ZBTB48: variants seen among roughly 807,000 people sequenced by gnomAD.
ZBTB48 encodes zinc finger and BTB domain containing 48.
Under a neutral mutation model 64.5 loss-of-function variants are expected in ZBTB48, and 35 were observed. That is an observed-to-expected ratio of 0.54 (90% CI 0.41 to 0.72). ZBTB48 has a LOEUF of 0.72. Ranked by LOEUF, ZBTB48 falls within the 30% of genes least tolerant of loss-of-function variation. The pLI is 0.00. For synonymous variants in ZBTB48, 442 were observed against 356.7 expected (o/e 1.24, Z -2.70); for missense variants, 828 against 895.3 (o/e 0.92, Z 0.96).
In ZBTB48 at chr1:6,581,234, G is replaced by A. The variant is rs1640441810; in HGVS notation, c.625G>A (p.Asp209Asn). 6.2e-7 allele frequency: 1 copy of A among 1,612,858 alleles called. No homozygotes were observed. Residue 209 changes from aspartate (D) to asparagine (N), a missense_variant, in exon 2 of 11, where the codon GAC (aspartate) becomes AAC (asparagine). Transcript: ENST00000377674. ...PCPLEDKKPE[D>N]CKVPPRPLEA... ...TCCCCTTGAGGACAAGAAACCCGAG[G>A]ACTGCAAAGTGCCCCCAAGGCCCTT...
At position 6,588,906 on chromosome 1, in the gene ZBTB48, T is replaced by C. The variant is rs1570181246; in HGVS notation, c.1771-10T>C. 6.2e-7 allele frequency: 1 copy of C among 1,613,408 alleles called. No homozygotes were observed. Among genetic ancestry groups the C allele is most frequent in the Non-Finnish European group, 8.5e-7 (1 of 1,179,734 alleles). The stretch of plus-strand genomic sequence containing the variant: ...ATCCCCCAAAGTTCTGAGCTCACCC[T>C]CCCCGCCAGGCCCACCTGCGGAGGC... On this transcript the variant is annotated splice_polypyrimidine_tract_variant and intron_variant, in intron 10 of 10. Coordinates refer to ENST00000377674, the MANE Select transcript of ZBTB48 (RefSeq NM_005341.4).
intron 3 of ZBTB48, among the ~76,000 whole-genome samples, chr1:6,583,275 C>T (rs1297258726): frequency 6.6e-6 from 1 of 152,082 alleles, no homozygotes; most frequent in Non-Finnish European, 1.5e-5. Context: ...AGGTGTGAGC[C>T]ACCATGCTCA....
chr1:6,585,789 C>T, intron 3 of ZBTB48, 130 bp from the exon 4 acceptor site: 1 of 830,166 alleles, frequency 1.2e-6, no homozygotes, highest in Non-Finnish European at 2.0e-6. Context: ...TGGGCTTGTC[C>T]CTGCACCTTA....
At position 6,589,204 on chromosome 1, in the gene ZBTB48, G is replaced by A. The variant is rs1282448771; in HGVS notation, c.2059G>A (p.Asp687Asn). The change falls in exon 11 of 11, where the codon GAC becomes AAC. Residue 687 changes from aspartate (D) to asparagine (N), a missense_variant. Transcript: ENST00000377674. Reference sequence around the variant, plus strand: ...CACAGCTGCTGTCCCCGAGGACTGTGACACATAGCCCATTCTGGCCACCAG... The same window carrying A: ...CACAGCTGCTGTCCCCGAGGACTGTAACACATAGCCCATTCTGGCCACCAG... ...IITAAVPEDC[D>N]T 6.6e-7 allele frequency: 1 copy of A among 1,515,354 alleles called. No individual in the cohort carries two copies. The highest frequency in any genetic ancestry group is 1.4e-5 in the African/African-American group (1 of 71,774). The allele number at this position is 1,515,354 out of a possible 1,614,324, so 93.9% of individuals were successfully genotyped here. A position where few individuals can be genotyped will look rare whatever the true frequency, so the allele number is the denominator to read the frequency against.
intron 7 of ZBTB48, 70 bp downstream of exon 7, chr1:6,587,702 C>A: frequency 6.3e-7 from 1 of 1,588,010 alleles, no homozygotes; most frequent in Non-Finnish European, 8.5e-7. Context: ...GCAGGGAAGA[C>A]AGAGTTTGCT....
intron 2 of ZBTB48, 90 bp from the exon 3 acceptor site, chr1:6,581,968 G>A: frequency 6.4e-7 from 1 of 1,566,536 alleles, no homozygotes; most frequent in Non-Finnish European, 8.7e-7. Context: ...GTCAGGGTTG[G>A]GGCTTGGGAT....
intron 3 of ZBTB48, 75 bp downstream of exon 3, chr1:6,582,374 C>T: frequency 2.6e-6 from 4 of 1,552,044 alleles, no homozygotes; most frequent in South Asian, 2.4e-5. Flanking sequence ...GCACTTCCCA[C>T]TTCTGGGTGA....
intron 7 of ZBTB48, among the ~76,000 whole-genome samples, chr1:6,587,851 G>A (rs1640732428): frequency 6.6e-6 from 1 of 152,164 alleles, no homozygotes; most frequent in East Asian, 1.9e-4. Context: ...GCTCAGACAA[G>A]CCTCTGTGCC....
intron 3 of ZBTB48, 62 bp downstream of exon 3, chr1:6,582,361 CCTGCA>C (rs1640503922): frequency 6.4e-7 from 1 of 1,568,888 alleles, no homozygotes; most frequent in South Asian, 1.2e-5. Context: ...GGGGAGGGGT[CCTGCA>C]CTTCCCACTT....
chr1:6,587,447 C>T (rs751690520), intron 6 of ZBTB48, 31 bp from the exon 7 acceptor site: 3 of 1,612,988 alleles, frequency 1.9e-6, no homozygotes, highest in Admixed American at 1.7e-5. Flanking sequence ...TGGCCCTGGT[C>T]CCTCCCTCTG....
At chr1:6,585,795 C>T in intron 3 of ZBTB48, 124 bp from the exon 4 acceptor site, 1 of 896,428 alleles carries the variant, frequency 1.1e-6, no homozygotes, top group Admixed American at 1.9e-5. Flanking sequence ...TGTCCCTGCA[C>T]CTTAACCAGC....
At position 6,587,307 on chromosome 1, in the gene ZBTB48, G is replaced by A; in HGVS notation, c.1224+16G>A. Reference sequence around the variant, plus strand: ...GCCCCATGCAGTAAGTGACAGGGAGGGCTGGGCATGCTTTGATGCTGGCAT... The same window carrying A: ...GCCCCATGCAGTAAGTGACAGGGAGAGCTGGGCATGCTTTGATGCTGGCAT... On this transcript the variant is annotated intron_variant, in intron 6 of 10. Coordinates refer to ENST00000377674, the MANE Select transcript of ZBTB48 (RefSeq NM_005341.4). 1 of 1,614,024 alleles carries A rather than the reference G, an allele frequency of 6.2e-7. No individual in the cohort carries two copies. The highest frequency in any genetic ancestry group is 1.1e-5 in the South Asian group (1 of 91,076).
chr1:6,582,906 T>G (rs1640521170), intron 3 of ZBTB48, among the ~76,000 whole-genome samples: 1 of 152,214 alleles, frequency 6.6e-6, no homozygotes, highest in African/African-American at 2.4e-5. Flanking sequence ...CTGGGCTCAA[T>G]CGATCCACCC....
chr1:6,584,548 C>T lies in ZBTB48; in HGVS notation c.933-1371C>T, dbSNP rs1001434005. Reference sequence around the variant, plus strand: ...CTAGAATGGGAGCCAGGGGGAAACCCGTTCGCTGTCCCTGTGCACCGTGTT... The same window carrying T: ...CTAGAATGGGAGCCAGGGGGAAACCTGTTCGCTGTCCCTGTGCACCGTGTT... On this transcript the variant is annotated intron_variant, in intron 3 of 10. Transcript: ENST00000377674. This position sits in a 1 kb window ranked among gnomAD's most constrained non-coding sequence, Gnocchi z 4.5. Among the ~76,000 whole-genome samples the T allele has an allele frequency of 6.6e-6, 1 of 152,234 alleles. No individual in the cohort carries two copies. Among genetic ancestry groups the T allele is most frequent in the Non-Finnish European group, 1.5e-5 (1 of 68,036 alleles).
At chr1:6,588,880 G>A in intron 10 of ZBTB48, 36 bp downstream of exon 10, 1 of 1,613,918 alleles carries the variant, frequency 6.2e-7, no homozygotes, top group Non-Finnish European at 8.5e-7. Context: ...CCTACCCTAG[G>A]ATCCCCCAAA....
chr1:6,586,968 C>T (rs1640694519), intron 5 of ZBTB48, 181 bp downstream of exon 5: 1 of 889,070 alleles, frequency 1.1e-6, no homozygotes, highest in Non-Finnish European at 1.8e-6. Context: ...TCTGCAGCCT[C>T]ACCTCCAAGG....
chr1:6,581,902 A>G lies in ZBTB48; in HGVS notation c.691-156A>G, dbSNP rs539858139. The stretch of plus-strand genomic sequence containing the variant: ...AACACAGCCACTTTCCTCTGAATCC[A>G]AGATTCAGATGCTCTGCCTTGGGCC... On this transcript the variant is annotated intron_variant, in intron 2 of 10. Coordinates refer to ENST00000377674, the MANE Select transcript of ZBTB48 (RefSeq NM_005341.4). Among the ~76,000 whole-genome samples the G allele has an allele frequency of 3.3e-5, 5 of 152,294 alleles. No homozygotes were observed. In the East Asian group the frequency reaches 9.7e-4, roughly 29 times the overall value.
Position 6,589,049 on chromosome 1 carries a change from A to C in ZBTB48, c.1904A>C (p.Glu635Ala). 6.2e-7 allele frequency: 1 copy of C among 1,601,066 alleles called. No individual in the cohort carries two copies. The highest frequency in any genetic ancestry group is 8.5e-7 in the Non-Finnish European group (1 of 1,174,118). The change falls in exon 11 of 11, where the codon GAG becomes GCG. Residue 635 changes from glutamate (E) to alanine (A), a missense_variant. Physicochemically the swap from Glu to Ala is moderately radical, Grantham distance 107 (BLOSUM62 -1). Transcript: ENST00000377674. ...VVALQPPAELEVGSAEVIVES... is the reference protein window; with the variant it reads ...VVALQPPAELAVGSAEVIVES... ...GCGCTGCAGCCGCCTGCAGAGCTGG[A>C]GGTGGGCTCGGCGGAGGTCATTGTG...
intron 5 of ZBTB48, 122 bp from the exon 6 acceptor site, chr1:6,587,083 G>T (rs550807655): frequency 1.3e-5 from 14 of 1,099,278 alleles, no homozygotes; most frequent in Admixed American, 2.0e-5. Context: ...ACCAGATCAG[G>T]GGTCCTCCCA....
Sources: allele counts gnomAD v4.1 joint callset (sites outside exome capture counted in the v4.1 genomes callset), GRCh38; gene constraint gnomAD v4.1.1; non-coding constraint Gnocchi (gnomAD v3.1); transcripts MANE v1.5; gene names NCBI Gene and HGNC (gene_info 2026-07-23, HGNC 2026-07-21).